Variants in LRMDA observed in about 807,000 individuals in gnomAD.
The protein encoded by LRMDA is leucine-rich melanocyte differentiation-associated protein.
LRMDA carries 18 observed loss-of-function variants against 29.8 expected under a neutral mutation model. The ratio of observed to expected loss-of-function variants is 0.60; its 90% confidence interval spans 0.42 to 0.90. LRMDA has a LOEUF of 0.90. Ranked by LOEUF, LRMDA falls within the 40% of genes least tolerant of loss-of-function variation. The pLI is 0.00. For synonymous variants in LRMDA, 125 were observed against 109.4 expected (o/e 1.14, Z -0.89); for missense variants, 273 against 273.9 (o/e 1.00, Z 0.02).
chr10:76,484,220 C>T lies in LRMDA; in HGVS notation c.602-72989C>T, dbSNP rs1268170175. Among the ~76,000 whole-genome samples, 4 of 151,424 alleles carry T rather than the reference C, an allele frequency of 2.6e-5. No individual in the cohort carries two copies. In the East Asian group the frequency reaches 7.8e-4, roughly 30 times the overall value. ...TCTTTTTCTCCTTTACTTCCTCCTC[C>T]TCCATCTTCTCCTCCTTCTCCTTCT... On this transcript the variant is annotated intron_variant, in intron 6 of 6. Coordinates refer to ENST00000611255, the MANE Select transcript of LRMDA (RefSeq NM_001305581.2).
intron 2 of LRMDA, among the ~76,000 whole-genome samples, chr10:75,549,504 G>A (rs1423585399): frequency 6.6e-6 from 1 of 152,054 alleles, no homozygotes; most frequent in Non-Finnish European, 1.5e-5. Flanking sequence ...CATTGTCTAG[G>A]TTATTCACAG....
chr10:76,507,167 T>TGCAATGATTTGCAAATAA (rs1842967140), intron 6 of LRMDA, among the ~76,000 whole-genome samples: 1 of 151,762 alleles, frequency 6.6e-6, no homozygotes, highest in Non-Finnish European at 1.5e-5. Flanking sequence ...TCATTGTAGT[T>TGCAATGATTTGCAAATAA]TTGATTTGCA....
At chr10:76,458,582 G>A (rs1842481410) in intron 6 of LRMDA, among the ~76,000 whole-genome samples, 1 of 152,142 alleles carries the variant, frequency 6.6e-6, no homozygotes, top group African/African-American at 2.4e-5. Context: ...TCTGTCTCTT[G>A]GATGAGAGCA....
At chr10:75,876,177 A>C (rs1340256176) in intron 2 of LRMDA, among the ~76,000 whole-genome samples, 1 of 152,250 alleles carries the variant, frequency 6.6e-6, no homozygotes, top group Non-Finnish European at 1.5e-5. Context: ...GAAGAGAAGC[A>C]GGTGCAGCTG....
intron 2 of LRMDA, among the ~76,000 whole-genome samples, chr10:75,790,718 C>T (rs537083479): frequency 3.9e-5 from 6 of 152,294 alleles, no homozygotes; most frequent in Admixed American, 2.6e-4. Context: ...TTGTGGAGAA[C>T]GTGAACCAGT....
intron 6 of LRMDA, among the ~76,000 whole-genome samples, chr10:76,360,270 G>A (rs375086678): frequency 2.6e-5 from 4 of 152,250 alleles, no homozygotes; most frequent in African/African-American, 9.6e-5. Context: ...TTACAGGTGT[G>A]AGCCACCATG....
At chr10:75,847,113 AAAC>A (rs1844652175) in intron 2 of LRMDA, among the ~76,000 whole-genome samples, 1 of 152,202 alleles carries the variant, frequency 6.6e-6, no homozygotes. Flanking sequence ...ATGTATTACA[AAAC>A]AACAGTAATC....
At chr10:75,515,897 C>A (rs879814189) in intron 2 of LRMDA, among the ~76,000 whole-genome samples, 4 of 151,994 alleles carry the variant, frequency 2.6e-5, no homozygotes, top group Non-Finnish European at 4.4e-5. Flanking sequence ...ATGTTCCTCG[C>A]CCTGTGTCCA....
chr10:76,370,167 A>T (rs1254705229), intron 6 of LRMDA, among the ~76,000 whole-genome samples: 2 of 152,134 alleles, frequency 1.3e-5, no homozygotes, highest in Non-Finnish European at 2.9e-5. Context: ...TGCCAAAAGA[A>T]TTCCTCGTAC....
chr10:76,025,463 C>T (rs1848046921), intron 2 of LRMDA, among the ~76,000 whole-genome samples: 1 of 151,772 alleles, frequency 6.6e-6, no homozygotes, highest in Non-Finnish European at 1.5e-5. Context: ...GATACGCTGT[C>T]CTGTATGGTG....
At chr10:76,244,919 A>G (rs1312482430) in intron 5 of LRMDA, among the ~76,000 whole-genome samples, 1 of 152,198 alleles carries the variant, frequency 6.6e-6, no homozygotes, top group African/African-American at 2.4e-5. Context: ...TAGCAGAGCT[A>G]GGGTCTGGCT....
intron 6 of LRMDA, among the ~76,000 whole-genome samples, chr10:76,552,678 A>G (rs1843510125): frequency 6.6e-6 from 1 of 152,218 alleles, no homozygotes; most frequent in Non-Finnish European, 1.5e-5. Flanking sequence ...GGATGTGTAC[A>G]TGGTCACATG....
chr10:76,482,317 A>C (rs1842740264), intron 6 of LRMDA, among the ~76,000 whole-genome samples: 1 of 151,910 alleles, frequency 6.6e-6, no homozygotes, highest in Admixed American at 6.6e-5. Flanking sequence ...AATTATTCGC[A>C]CACTTAAATC....
chr10:76,000,652 C>G (rs1048173934), intron 2 of LRMDA, among the ~76,000 whole-genome samples: 2 of 152,100 alleles, frequency 1.3e-5, no homozygotes, highest in Non-Finnish European at 2.9e-5. Context: ...GCTTATTGCT[C>G]ATGAGGGAGG....
At chr10:75,793,931 GTC>G (rs1258587627) in intron 2 of LRMDA, among the ~76,000 whole-genome samples, 1 of 152,228 alleles carries the variant, frequency 6.6e-6, no homozygotes, top group Non-Finnish European at 1.5e-5. Context: ...GGACCATGCA[GTC>G]TCTGTCACAA....
At chr10:76,099,619 A>G (rs1259252848) in intron 5 of LRMDA, among the ~76,000 whole-genome samples, 1 of 151,692 alleles carries the variant, frequency 6.6e-6, no homozygotes, top group African/African-American at 2.4e-5. Flanking sequence ...TATTTTCCAC[A>G]TTGCCTTATG....
intron 5 of LRMDA, among the ~76,000 whole-genome samples, chr10:76,169,304 C>T (rs1283731689): frequency 2.0e-5 from 3 of 152,148 alleles, no homozygotes; most frequent in Non-Finnish European, 2.9e-5. Context: ...TGTCTGAATC[C>T]ATTCTGAGTT....
chr10:76,101,149 A>G (rs768359586), intron 5 of LRMDA, among the ~76,000 whole-genome samples: 23 of 152,318 alleles, frequency 1.5e-4, no homozygotes, highest in South Asian at 4.1e-4. Context: ...AGGAAGCCAG[A>G]AGTCCTAATA....
chr10:76,146,879 T>A (rs1463127985), intron 5 of LRMDA, among the ~76,000 whole-genome samples: 2 of 152,144 alleles, frequency 1.3e-5, no homozygotes, highest in Non-Finnish European at 2.9e-5. Context: ...AGGGCAGGCC[T>A]GCTGGTGACA....
Sources: gnomAD v4.1 joint callset for allele counts (sites outside exome capture counted in the v4.1 genomes callset) on GRCh38, gnomAD v4.1.1 for gene constraint, MANE v1.5 for transcripts, NCBI Gene and HGNC (gene_info 2026-07-23, HGNC 2026-07-21) for gene names.